The following LRRC4C variants were observed in gnomAD, a reference collection of about 807,000 sequenced individuals.
LRRC4C encodes the protein leucine-rich repeat-containing protein 4C.
In LRRC4C, 5 loss-of-function variants were observed where a neutral mutation model predicts 33.6. The ratio of observed to expected loss-of-function variants is 0.15; its 90% confidence interval spans 0.08 to 0.31. The LOEUF is 0.31. Ranked by LOEUF, LRRC4C falls within the 10% of genes least tolerant of loss-of-function variation. The probability of loss-of-function intolerance (pLI) is 1.00; values close to 1 mark genes in which losing one functional copy is unlikely to be tolerated. For missense variants in LRRC4C, 560 were observed against 796.7 expected, an observed-to-expected ratio of 0.70 and a Z score of 3.58; for synonymous variants, 329 against 302.0, an observed-to-expected ratio of 1.09 and a Z score of -0.93.
At chr11:41,442,800 T>C (rs1443521418) in intron 1 of LRRC4C, among the ~76,000 whole-genome samples, 2 of 152,092 alleles carry the variant, frequency 1.3e-5, no homozygotes, top group East Asian at 1.9e-4. Context: ...AAAACAGCCA[T>C]TAGATTTTTA....
intron 1 of LRRC4C, among the ~76,000 whole-genome samples, chr11:40,965,215 T>C (rs1480816129): frequency 2.0e-5 from 3 of 152,070 alleles, no homozygotes; most frequent in African/African-American, 4.8e-5. Context: ...TTTGATGGGT[T>C]TTTTGTTTTT....
chr11:41,134,583 T>C (rs1425525735), intron 1 of LRRC4C, among the ~76,000 whole-genome samples: 1 of 152,142 alleles, frequency 6.6e-6, no homozygotes, highest in Non-Finnish European at 1.5e-5. Context: ...ACATCAGAGA[T>C]GTATTGTCTC....
chr11:40,148,372 A>C (rs1467672729), intron 5 of LRRC4C, among the ~76,000 whole-genome samples: 3 of 152,300 alleles, frequency 2.0e-5, no homozygotes, highest in Non-Finnish European at 2.9e-5. Context: ...TATAATAGCC[A>C]TTCTGACTGG....
intron 1 of LRRC4C, among the ~76,000 whole-genome samples, chr11:41,153,178 G>T (rs933406716): frequency 2.3e-4 from 35 of 152,034 alleles, no homozygotes; most frequent in African/African-American, 8.2e-4. Flanking sequence ...CTCCCTTAAA[G>T]AATCTGATTA....
intron 3 of LRRC4C, among the ~76,000 whole-genome samples, chr11:40,630,852 G>T (rs1342686720): frequency 6.6e-6 from 1 of 152,240 alleles, no homozygotes; most frequent in East Asian, 1.9e-4. Context: ...GTAAGACATA[G>T]AGAGTTTTAT....
intron 2 of LRRC4C, among the ~76,000 whole-genome samples, chr11:40,888,451 T>C (rs1955559462): frequency 6.6e-6 from 1 of 151,958 alleles, no homozygotes; most frequent in East Asian, 1.9e-4. Context: ...TGAAAATATA[T>C]TTTTCCACAC....
At chr11:40,614,160 C>T (rs916425293) in intron 3 of LRRC4C, among the ~76,000 whole-genome samples, 2 of 151,912 alleles carry the variant, frequency 1.3e-5, no homozygotes, top group Non-Finnish European at 2.9e-5. Flanking sequence ...TTCTCTCTAG[C>T]TATTAAAGTC....
At chr11:40,866,765 G>A (rs1954389459) in intron 2 of LRRC4C, among the ~76,000 whole-genome samples, 1 of 152,136 alleles carries the variant, frequency 6.6e-6, no homozygotes, top group Admixed American at 6.6e-5. Context: ...TGCACAGCAT[G>A]TAGCACAATG....
chr11:40,354,112 C>A (rs892270674), intron 3 of LRRC4C, among the ~76,000 whole-genome samples: 1 of 152,194 alleles, frequency 6.6e-6, no homozygotes. Context: ...CTTGCAGACT[C>A]AAGGAGCTAC....
intron 2 of LRRC4C, among the ~76,000 whole-genome samples, chr11:40,661,728 C>T (rs1943448377): frequency 6.6e-6 from 1 of 152,210 alleles, no homozygotes; most frequent in South Asian, 2.1e-4. Flanking sequence ...TATTATTTTT[C>T]ACTTATCCCA....
intron 1 of LRRC4C, among the ~76,000 whole-genome samples, chr11:41,153,778 C>T (rs1297314962): frequency 6.6e-6 from 1 of 152,096 alleles, no homozygotes; most frequent in Non-Finnish European, 1.5e-5. Context: ...GGTTCTAATC[C>T]TTGGAACTTG....
chr11:41,431,211 G>C (rs927529526), intron 1 of LRRC4C, among the ~76,000 whole-genome samples: 2 of 151,838 alleles, frequency 1.3e-5, no homozygotes, highest in African/African-American at 4.8e-5. Flanking sequence ...TATTACATGA[G>C]GTACTATTGA....
At chr11:40,593,799 A>AT (rs1366723139) in intron 3 of LRRC4C, among the ~76,000 whole-genome samples, 2 of 152,138 alleles carry the variant, frequency 1.3e-5, no homozygotes, top group Non-Finnish European at 2.9e-5. Flanking sequence ...TTTTTTCCAC[A>AT]TTTTTTAAAA....
chr11:41,004,435 T>C (rs1312643429), intron 1 of LRRC4C, among the ~76,000 whole-genome samples: 6 of 152,176 alleles, frequency 3.9e-5, no homozygotes, highest in Middle Eastern at 3.2e-3. Context: ...ATGCCAGAGA[T>C]ACATGAGAAA....
At chr11:40,274,414 GAC>G (rs758404396) in intron 4 of LRRC4C, among the ~76,000 whole-genome samples, 3 of 63,088 alleles carry the variant, frequency 4.8e-5, no homozygotes, top group Non-Finnish European at 9.9e-5. Flanking sequence ...CTGCGGAATA[GAC>G]ACACACATAC....
chr11:40,903,298 T>C (rs1490753247), intron 2 of LRRC4C, among the ~76,000 whole-genome samples: 2 of 152,138 alleles, frequency 1.3e-5, no homozygotes, highest in African/African-American at 2.4e-5. Context: ...TGAGACCTAC[T>C]GCTAAGGAAA....
intron 1 of LRRC4C, among the ~76,000 whole-genome samples, chr11:41,001,116 T>A (rs1854344884): frequency 6.6e-6 from 1 of 152,106 alleles, no homozygotes; most frequent in Admixed American, 6.6e-5. Flanking sequence ...GCCCAATTAA[T>A]ATTTTTGACT....
chr11:40,980,344 C>G, intron 1 of LRRC4C, among the ~76,000 whole-genome samples: 1 of 152,258 alleles, frequency 6.6e-6, no homozygotes, highest in Non-Finnish European at 1.5e-5. Flanking sequence ...TTTATATTCT[C>G]CGCTTGCTGC....
At chr11:40,234,468 C>T (rs777931737) in intron 5 of LRRC4C, among the ~76,000 whole-genome samples, 14 of 152,108 alleles carry the variant, frequency 9.2e-5, no homozygotes, top group Non-Finnish European at 1.8e-4. Flanking sequence ...CTCAGTGCTA[C>T]TGACTATTTG....
Sources: allele counts gnomAD v4.1 joint callset (sites outside exome capture counted in the v4.1 genomes callset), GRCh38; gene constraint gnomAD v4.1.1; transcripts MANE v1.5; gene names NCBI Gene and HGNC (gene_info 2026-07-23, HGNC 2026-07-21).